The following NR1H4 variants were observed in gnomAD, a reference collection of about 807,000 sequenced individuals.
NR1H4 encodes nuclear receptor subfamily 1 group H member 4.
NR1H4 carries 23 observed loss-of-function variants against 58.5 expected under a neutral mutation model. The ratio of observed to expected loss-of-function variants is 0.39; its 90% confidence interval spans 0.28 to 0.56. The LOEUF (loss-of-function observed/expected upper bound fraction) is 0.56, where lower values mean the gene tolerates loss of function less well. Ranked by LOEUF, NR1H4 falls within the 20% of genes least tolerant of loss-of-function variation. The pLI, the probability that NR1H4 is intolerant of heterozygous loss-of-function variation, is 0.58. For synonymous variants in NR1H4, 214 were observed against 198.0 expected (o/e 1.08, Z -0.68); for missense variants, 487 against 576.9 (o/e 0.84, Z 1.60).
intron 1 of NR1H4, among the ~76,000 whole-genome samples, chr12:100,476,474 T>C (rs1355554577): frequency 6.6e-6 from 1 of 152,186 alleles, no homozygotes; most frequent in South Asian, 2.1e-4. Flanking sequence ...CAATGAACTC[T>C]CCATGCTGCT....
chr12:100,487,595 C>CT (rs34694873), intron 1 of NR1H4, among the ~76,000 whole-genome samples: 45,925 of 115,974 alleles, frequency 0.4, 11,350 homozygotes, highest in Non-Finnish European at 0.53. Flanking sequence ...TCTTCTTCTT[C>CT]TTTTTTTTTT....
intron 4 of NR1H4, among the ~76,000 whole-genome samples, chr12:100,523,564 G>T (rs780636435): frequency 1.3e-5 from 2 of 151,916 alleles, no homozygotes; most frequent in African/African-American, 2.4e-5. Context: ...GTTTAATCAG[G>T]TCCCATTTAT....
intron 9 of NR1H4, among the ~76,000 whole-genome samples, chr12:100,544,113 G>T (rs552558385): frequency 6.6e-6 from 1 of 151,934 alleles, no homozygotes; most frequent in Non-Finnish European, 1.5e-5. Context: ...TTAGTCAGGC[G>T]TGGTGGCGGG....
chr12:100,562,251 C>T (rs764703675), intron 10 of NR1H4, among the ~76,000 whole-genome samples: 15 of 151,902 alleles, frequency 9.9e-5, no homozygotes, highest in Admixed American at 5.9e-4. Context: ...TGCTAAGCAC[C>T]GGGGATGCAA....
intron 3 of NR1H4, among the ~76,000 whole-genome samples, chr12:100,506,381 C>A (rs181736940): frequency 6.6e-6 from 1 of 152,286 alleles, no homozygotes; most frequent in East Asian, 1.9e-4. Context: ...CTAGTCCAAC[C>A]ATTTTGGAAT....
At chr12:100,561,271 G>A (rs1388600605) in intron 9 of NR1H4, among the ~76,000 whole-genome samples, 1 of 152,156 alleles carries the variant, frequency 6.6e-6, no homozygotes, top group African/African-American at 2.4e-5. Flanking sequence ...GGTGGCGGGA[G>A]CCTGTAGTCC....
intron 9 of NR1H4, among the ~76,000 whole-genome samples, chr12:100,553,121 C>G (rs1195441660): frequency 6.6e-6 from 1 of 152,116 alleles, no homozygotes; most frequent in Non-Finnish European, 1.5e-5. Flanking sequence ...GCCTCAGCCT[C>G]CTGAGTAGCT....
At position 100,525,790 on chromosome 12, in the gene NR1H4, A is replaced by G. The variant is rs547168620; in HGVS notation, c.446-6668A>G. On this transcript the variant is annotated intron_variant, in intron 4 of 10. Coordinates refer to ENST00000392986, the MANE Select transcript of NR1H4 (RefSeq NM_001206979.2). ...TGTTGCTTTCTGTTTTAGGTTATTC[A>G]TTATTGATTCAATTTCTTTAATAGT... Among the ~76,000 whole-genome samples, 507 of 152,312 alleles carry G rather than the reference A, an allele frequency of 3.3e-3. 3 individuals carry two copies. The highest frequency in any genetic ancestry group is 0.01 in the Middle Eastern group (3 of 294).
intron 9 of NR1H4, 72 bp downstream of exon 9, chr12:100,540,890 C>G: frequency 6.8e-7 from 1 of 1,459,864 alleles, no homozygotes; most frequent in Non-Finnish European, 9.6e-7. Context: ...GAGGGTGGGG[C>G]TCTTGCCAAT....
rs1302325135 is a variant in NR1H4, at chr12:100,493,392, A to G, written c.69A>G (p.Glu23=). 1 of 1,504,654 alleles carries G rather than the reference A, an allele frequency of 6.6e-7. No individual in the cohort carries two copies. Among genetic ancestry groups the G allele is most frequent in the East Asian group, 2.3e-5 (1 of 43,854 alleles). The allele number at this position is 1,504,654 out of a possible 1,614,324, so 93.2% of individuals were successfully genotyped here. ...LPTTDEFSFS[E]NLFGVLTEQV... ...CCACAGATGAATTTTCTTTTTCTGAAAATTTATTTGGTAAGTTGTCAAGTT... is the reference window on the plus strand; with the variant it reads ...CCACAGATGAATTTTCTTTTTCTGAGAATTTATTTGGTAAGTTGTCAAGTT... Residue 23 remains glutamate, a synonymous_variant, in exon 3 of 11, where the codon GAA becomes GAG. Coordinates refer to ENST00000392986, the MANE Select transcript of NR1H4 (RefSeq NM_001206979.2).
chr12:100,515,258 C>T (rs1306424812), intron 4 of NR1H4, among the ~76,000 whole-genome samples: 1 of 150,694 alleles, frequency 6.6e-6, no homozygotes, highest in Admixed American at 6.6e-5. Context: ...GCAACCTCTG[C>T]CTCCTGGGTT....
chr12:100,508,209 G>A (rs1462524447), intron 3 of NR1H4, among the ~76,000 whole-genome samples: 1 of 152,062 alleles, frequency 6.6e-6, no homozygotes, highest in Non-Finnish European at 1.5e-5. Flanking sequence ...CCCTGGAAGG[G>A]GTTGGCTGTG....
intron 4 of NR1H4, among the ~76,000 whole-genome samples, chr12:100,517,390 C>A (rs1425895841): frequency 6.6e-6 from 1 of 152,074 alleles, no homozygotes; most frequent in Admixed American, 6.6e-5. Context: ...GAATAGTATT[C>A]CATTATGTAT....
At chr12:100,518,021 A>G (rs1345308133) in intron 4 of NR1H4, among the ~76,000 whole-genome samples, 2 of 152,342 alleles carry the variant, frequency 1.3e-5, no homozygotes, top group African/African-American at 4.8e-5. Context: ...GAAGAAAACG[A>G]AGCAGTCCGT....
At chr12:100,560,873 G>A (rs1198246033) in intron 9 of NR1H4, among the ~76,000 whole-genome samples, 1 of 152,202 alleles carries the variant, frequency 6.6e-6, no homozygotes, top group Non-Finnish European at 1.5e-5. Context: ...AGAAGCCACA[G>A]GCCTGGGTGC....
At position 100,563,695 on chromosome 12, in the gene NR1H4, G is replaced by A. The variant is rs995160120; in HGVS notation, c.*206G>A. On this transcript the variant is annotated 3_prime_UTR_variant, in exon 11 of 11. Transcript: ENST00000392986. ...ACATTGTGTTTTAAAAGGCTCCAGG[G>A]AATCCTGCATTCTAATTGGCAAGCC... 5.3e-6 allele frequency: 3 copies of A among 567,170 alleles called. No homozygotes were observed. Among genetic ancestry groups the A allele is most frequent in the African/African-American group, 3.7e-5 (2 of 53,404 alleles). 35.1% of individuals were successfully genotyped at this position (567,170 alleles called of 1,614,324 possible). A position where few individuals can be genotyped will look rare whatever the true frequency, so the allele number is the denominator to read the frequency against.
At chr12:100,521,579 C>T (rs541193950) in intron 4 of NR1H4, among the ~76,000 whole-genome samples, 52 of 152,100 alleles carry the variant, frequency 3.4e-4, no homozygotes, top group Non-Finnish European at 4.4e-4. Context: ...TGGTAGAATT[C>T]CTAAAAGATG....
chr12:100,506,874 T>G lies in NR1H4; in HGVS notation c.80-3904T>G, dbSNP rs186303678. ...ATATTTTTACTGATGTTCTACTGTT[T>G]TAGCATGATATTATCTATATCTTTG... On this transcript the variant is annotated intron_variant, in intron 3 of 10. Transcript: ENST00000392986. 2.9e-3 allele frequency among the ~76,000 whole-genome samples: 447 copies of G among 152,330 alleles called. 3 individuals carry two copies. The highest frequency in any genetic ancestry group is 7.9e-4 in the Non-Finnish European group (54 of 68,024).
intron 1 of NR1H4, among the ~76,000 whole-genome samples, chr12:100,485,478 G>A (rs189087652): frequency 8.0e-4 from 122 of 152,198 alleles, no homozygotes; most frequent in Non-Finnish European, 1.5e-3. Flanking sequence ...TGCTCAATAT[G>A]ATGTTTCCCC....
Sources: gnomAD v4.1 joint callset for allele counts (sites outside exome capture counted in the v4.1 genomes callset) on GRCh38, gnomAD v4.1.1 for gene constraint, MANE v1.5 for transcripts, NCBI Gene and HGNC (gene_info 2026-07-23, HGNC 2026-07-21) for gene names.